The following SP100 variants were observed in gnomAD, a reference collection of about 807,000 sequenced individuals.
The protein encoded by SP100 is nuclear autoantigen Sp-100.
Under a neutral mutation model 130.0 loss-of-function variants are expected in SP100, and 84 were observed. The ratio of observed to expected loss-of-function variants is 0.65; its 90% confidence interval spans 0.54 to 0.77. The LOEUF (loss-of-function observed/expected upper bound fraction) is 0.77, where lower values mean the gene tolerates loss of function less well. Ranked by LOEUF, SP100 falls within the 30% of genes least tolerant of loss-of-function variation. The pLI, the probability that SP100 is intolerant of heterozygous loss-of-function variation, is 0.00. For synonymous variants in SP100, 331 were observed against 351.7 expected (o/e 0.94, Z 0.66); for missense variants, 978 against 1,052.2 (o/e 0.93, Z 0.97).
intron 19 of SP100, among the ~76,000 whole-genome samples, chr2:230,501,190 C>T (rs765487676): frequency 2.0e-5 from 3 of 152,014 alleles, no homozygotes; most frequent in South Asian, 2.1e-4. Context: ...TGCAGCCAGC[C>T]GAGATCCGTG....
At chr2:230,497,013 G>A (rs531491153) in intron 18 of SP100, among the ~76,000 whole-genome samples, 1 of 152,294 alleles carries the variant, frequency 6.6e-6, no homozygotes, top group South Asian at 2.1e-4. Flanking sequence ...TAAGGACGGA[G>A]GAGCACTTTA....
At chr2:230,480,883 G>C (rs2065800503) in intron 17 of SP100, among the ~76,000 whole-genome samples, 1 of 152,204 alleles carries the variant, frequency 6.6e-6, no homozygotes. Flanking sequence ...TGAGCTGGGA[G>C]AAGGTGGTCT....
intron 15 of SP100, among the ~76,000 whole-genome samples, chr2:230,472,667 G>C (rs1210128336): frequency 6.6e-6 from 1 of 152,056 alleles, no homozygotes; most frequent in African/African-American, 2.4e-5. Flanking sequence ...GAAAAATGGA[G>C]GCAAGAAGGG....
chr2:230,511,529 G>T (rs1690586534), intron 24 of SP100, among the ~76,000 whole-genome samples: 1 of 152,146 alleles, frequency 6.6e-6, no homozygotes, highest in Non-Finnish European at 1.5e-5. Flanking sequence ...TCAAGTAGGT[G>T]GTGGGAATGG....
Position 230,417,629 on chromosome 2 carries a change from T to A in SP100, c.71T>A (p.Met24Lys), listed in dbSNP as rs1303354017. Residue 24 changes from methionine to lysine, a missense_variant, in exon 2 of 29, where the codon ATG becomes AAG. Transcript: ENST00000340126. ...NECISPVANEMNHLPAHSHDL... is the reference protein window; with the variant it reads ...NECISPVANEKNHLPAHSHDL... ...TGTATTTCACCAGTAGCAAATGAGATGAACCATCTTCCTGCACACAGCCAC... is the reference window on the plus strand; with the variant it reads ...TGTATTTCACCAGTAGCAAATGAGAAGAACCATCTTCCTGCACACAGCCAC... 1.2e-6 allele frequency: 2 copies of A among 1,613,386 alleles called. No individual in the cohort carries two copies. The highest frequency in any genetic ancestry group is 3.3e-5 in the Admixed American group (2 of 59,730).
chr2:230,476,863 T>G (rs537448315), intron 17 of SP100, among the ~76,000 whole-genome samples: 19 of 152,260 alleles, frequency 1.2e-4, no homozygotes, highest in East Asian at 5.8e-4. Flanking sequence ...TTGTTTTGTT[T>G]TGTTGTGTTT....
chr2:230,416,910 T>C (rs1231219974), intron 1 of SP100: 2 of 985,180 alleles, frequency 2.0e-6, no homozygotes, highest in Non-Finnish European at 2.4e-6. Context: ...TTTTCATTTT[T>C]ACCTCAATTT....
intron 13 of SP100, among the ~76,000 whole-genome samples, chr2:230,468,120 G>C (rs2065054619): frequency 6.6e-6 from 1 of 152,160 alleles, no homozygotes. Flanking sequence ...CCCCCCATTT[G>C]ACAGATGGGG....
chr2:230,529,872 G>C (rs1691614314), intron 24 of SP100, among the ~76,000 whole-genome samples: 1 of 152,114 alleles, frequency 6.6e-6, no homozygotes, highest in Non-Finnish European at 1.5e-5. Context: ...CAACTTGCAA[G>C]GGATGTGAAG....
At chr2:230,481,060 T>TGGTGGTGGTGG (rs1310821797) in intron 17 of SP100, among the ~76,000 whole-genome samples, 2 of 136,338 alleles carry the variant, frequency 1.5e-5, no homozygotes, top group African/African-American at 5.4e-5. Flanking sequence ...GGTGGTGGTG[T>TGGTGGTGGTGG]TGGTCCCTTC....
Position 230,506,209 on chromosome 2 carries a change from A to G in SP100, c.1871-94A>G, listed in dbSNP as rs1690087871. ...TTCAGACTTTACTGCTACGATCCTA[A>G]GCCCAAAGTGGGTGGCCCCAGACCC... On this transcript the variant is annotated intron_variant, in intron 21 of 28. Coordinates refer to ENST00000340126, the MANE Select transcript of SP100 (RefSeq NM_001080391.2). The G allele has an allele frequency of 4.4e-6, 6 of 1,364,230 alleles. No homozygotes were observed. The African/African-American group carries it at 8.7e-5, about 20-fold the overall frequency. 84.5% of individuals were successfully genotyped at this position (1,364,230 alleles called of 1,614,324 possible).
chr2:230,541,810 G>A (rs896459605), intron 27 of SP100, 82 bp from the exon 28 acceptor site: 31 of 1,452,286 alleles, frequency 2.1e-5, no homozygotes, highest in Non-Finnish European at 2.8e-5. Flanking sequence ...TGGATTGGGG[G>A]AACTCCACAA....
At chr2:230,520,075 G>A (rs1241125231) in intron 24 of SP100, among the ~76,000 whole-genome samples, 1 of 152,188 alleles carries the variant, frequency 6.6e-6, no homozygotes, top group African/African-American at 2.4e-5. Context: ...CACTCAATAG[G>A]CTGAAAAGAT....
intron 2 of SP100, among the ~76,000 whole-genome samples, chr2:230,428,424 C>T (rs13000381): frequency 0.12 from 18,935 of 151,540 alleles, 1,634 homozygotes; most frequent in Non-Finnish European, 0.19. Context: ...GAGAAAGAGA[C>T]TGAAGGGAGA....
At chr2:230,515,127 A>C (rs1454764643) in intron 24 of SP100, 1 of 1,612,758 alleles carries the variant, frequency 6.2e-7, no homozygotes, top group African/African-American at 1.3e-5. Context: ...CAGATGCTTC[A>C]GTCAAGTTCT....
intron 17 of SP100, among the ~76,000 whole-genome samples, chr2:230,492,891 A>C (rs1046554110): frequency 6.6e-6 from 1 of 152,062 alleles, no homozygotes; most frequent in Non-Finnish European, 1.5e-5. Context: ...GTTTTTCTCC[A>C]CTCTCCCATG....
intron 17 of SP100, 65 bp from the exon 18 acceptor site, chr2:230,494,351 A>T: frequency 1.6e-6 from 2 of 1,216,192 alleles, no homozygotes; most frequent in Non-Finnish European, 2.4e-6. Flanking sequence ...AACTATTGAC[A>T]TATAAAGTGT....
intron 2 of SP100, among the ~76,000 whole-genome samples, chr2:230,432,943 CAA>C (rs1230594190): frequency 6.6e-6 from 1 of 151,912 alleles, no homozygotes; most frequent in Non-Finnish European, 1.5e-5. Context: ...TGTTTTCTTC[CAA>C]AAGTCTTATC....
At chr2:230,498,388 AT>A (rs1202325700) in intron 18 of SP100, 72 bp from the exon 19 acceptor site, 37 of 853,472 alleles carry the variant, frequency 4.3e-5, no homozygotes, top group Admixed American at 2.5e-4. Context: ...GCTAAATAAA[AT>A]TTTTGAAAGC....
Sources: gnomAD v4.1 joint callset for allele counts (sites outside exome capture counted in the v4.1 genomes callset) on GRCh38, gnomAD v4.1.1 for gene constraint, MANE v1.5 for transcripts, NCBI Gene and HGNC (gene_info 2026-07-23, HGNC 2026-07-21) for gene names.